RPTOR: variants seen among roughly 807,000 people sequenced by gnomAD.
RPTOR encodes regulatory associated protein of MTOR complex 1.
In RPTOR, 21 loss-of-function variants were observed where a neutral mutation model predicts 169.9. That is an observed-to-expected ratio of 0.12 (90% CI 0.09 to 0.18). The LOEUF (loss-of-function observed/expected upper bound fraction) is 0.18. Ranked by LOEUF, RPTOR falls within the 10% of genes least tolerant of loss-of-function variation. RPTOR has a pLI of 1.00. For synonymous variants in RPTOR, 732 were observed against 753.2 expected (o/e 0.97, Z 0.46); for missense variants, 1,133 against 1,855.9 (o/e 0.61, Z 7.16).
At chr17:80,661,692 C>G (rs1028315834) in intron 3 of RPTOR, among the ~76,000 whole-genome samples, 8 of 151,924 alleles carry the variant, frequency 5.3e-5, no homozygotes, top group African/African-American at 1.9e-4. Context: ...AAAGGGATCC[C>G]CCACCACCCC....
rs1034368281 is a variant in RPTOR, at chr17:80,743,384, T to C, written c.655-10626T>C. The C allele has an allele frequency of 4.1e-6, 4 of 985,366 alleles. No homozygotes were observed. In the African/African-American group the frequency reaches 7.0e-5, roughly 17 times the overall value. 61.0% of individuals were successfully genotyped at this position (985,366 alleles called of 1,614,324 possible). On this transcript the variant is annotated intron_variant, in intron 5 of 33. Coordinates refer to ENST00000306801, the MANE Select transcript of RPTOR (RefSeq NM_020761.3). ...CCGAGGGAGGCCTGAAGGAGATGTC[T>C]AACCTGAGCCGTAGAACGTAAGAAG...
At chr17:80,650,524 C>T (rs1372830073) in intron 3 of RPTOR, among the ~76,000 whole-genome samples, 1 of 152,176 alleles carries the variant, frequency 6.6e-6, no homozygotes, top group Admixed American at 6.5e-5. Flanking sequence ...GTGGGGAGAG[C>T]TTAACTGTGG....
rs1374987561 is a variant in RPTOR at position 80,936,464 on chromosome 17, C to T, written c.2920-4032C>T. Among the ~76,000 whole-genome samples the T allele has an allele frequency of 6.6e-6, 1 of 152,120 alleles. No individual in the cohort carries two copies. Among genetic ancestry groups the T allele is most frequent in the African/African-American group, 2.4e-5 (1 of 41,400 alleles). ...GAAACAACCCAAGTTTCCTTCACCT[C>T]GTAAAGAGAGAAGCTGATACAACCA... On this transcript the variant is annotated intron_variant, in intron 24 of 33. Coordinates refer to ENST00000306801, the MANE Select transcript of RPTOR (RefSeq NM_020761.3). This position sits in a 1 kb window ranked among gnomAD's most constrained non-coding sequence, Gnocchi z 4.1.
intron 20 of RPTOR, among the ~76,000 whole-genome samples, chr17:80,896,485 C>T (rs2068404977): frequency 1.5e-5 from 2 of 133,134 alleles, no homozygotes; most frequent in Non-Finnish European, 3.2e-5. Context: ...ATCCCACGGC[C>T]GCACCGACAC....
intron 3 of RPTOR, among the ~76,000 whole-genome samples, chr17:80,647,082 T>C (rs1429695337): frequency 2.0e-5 from 3 of 152,170 alleles, no homozygotes; most frequent in Admixed American, 6.5e-5. Context: ...AGAGAAACCA[T>C]GGTGATTATA....
intron 24 of RPTOR, 22 bp downstream of exon 24, chr17:80,925,502 C>A: frequency 6.4e-7 from 1 of 1,570,008 alleles, no homozygotes; most frequent in South Asian, 1.1e-5. Context: ...GTGTGGGGTT[C>A]AGAGTAGAGT....
chr17:80,690,749 T>C (rs758705265), intron 3 of RPTOR, among the ~76,000 whole-genome samples: 5 of 152,146 alleles, frequency 3.3e-5, no homozygotes, highest in Non-Finnish European at 7.4e-5. Context: ...TTGATGATCA[T>C]TGTCTGGATC....
At chr17:80,917,247 G>A (rs1298045042) in intron 21 of RPTOR, among the ~76,000 whole-genome samples, 1 of 149,458 alleles carries the variant, frequency 6.7e-6, no homozygotes, top group African/African-American at 2.5e-5. Context: ...CATGTAGCTG[G>A]GATTACAGGC....
chr17:80,854,031 A>C (rs953140024), intron 11 of RPTOR, among the ~76,000 whole-genome samples: 2 of 152,164 alleles, frequency 1.3e-5, no homozygotes, highest in Non-Finnish European at 2.9e-5. Context: ...AGTATGTGCA[A>C]AACCTCTGGC....
intron 1 of RPTOR, among the ~76,000 whole-genome samples, chr17:80,620,039 C>T (rs2065343437): frequency 6.6e-6 from 1 of 152,130 alleles, no homozygotes; most frequent in Admixed American, 6.5e-5. Flanking sequence ...AGTCATGAGT[C>T]AGAACTTCAG....
chr17:80,855,100 G>T (rs2067838051), intron 11 of RPTOR, among the ~76,000 whole-genome samples: 1 of 152,202 alleles, frequency 6.6e-6, no homozygotes, highest in African/African-American at 2.4e-5. Context: ...CTGAGAAATA[G>T]AATCACATAT....
At chr17:80,940,001 C>T (rs1277862533) in intron 24 of RPTOR, among the ~76,000 whole-genome samples, 1 of 152,106 alleles carries the variant, frequency 6.6e-6, no homozygotes, top group African/African-American at 2.4e-5. Flanking sequence ...GGGGAGGGAC[C>T]AGCGATGTGT....
chr17:80,667,166 G>T (rs2065786931), intron 3 of RPTOR, among the ~76,000 whole-genome samples: 1 of 152,150 alleles, frequency 6.6e-6, no homozygotes, highest in South Asian at 2.1e-4. Flanking sequence ...GATCTTTCCA[G>T]TACAGCTTGT....
chr17:80,758,056 C>G (rs943162989), intron 6 of RPTOR, among the ~76,000 whole-genome samples: 2 of 152,322 alleles, frequency 1.3e-5, no homozygotes, highest in South Asian at 4.1e-4. Flanking sequence ...TGTAATAAGA[C>G]CCATGCTAAT....
At chr17:80,716,350 G>C (rs2066239283) in intron 4 of RPTOR, among the ~76,000 whole-genome samples, 2 of 152,094 alleles carry the variant, frequency 1.3e-5, no homozygotes, top group Admixed American at 6.6e-5. Context: ...TCATATGTTT[G>C]TTGGCCATTT....
chr17:80,676,757 C>A (rs977403700), intron 3 of RPTOR, among the ~76,000 whole-genome samples: 1 of 152,236 alleles, frequency 6.6e-6, no homozygotes, highest in Non-Finnish European at 1.5e-5. Flanking sequence ...GCAGCAGAAC[C>A]GGGCAGGCCT....
rs1343628053 is a variant in RPTOR at position 80,860,553 on chromosome 17, C to T, written c.1509+2653C>T. 2.0e-5 allele frequency among the ~76,000 whole-genome samples: 3 copies of T among 152,126 alleles called. No individual in the cohort carries two copies. The highest frequency in any genetic ancestry group is 2.9e-5 in the Non-Finnish European group (2 of 68,032). ...CCACACCCCAAGTCCTCACGTACTA[C>T]TTTGGTGTCACAGCTGAAGTCAGGG... is the stretch of plus-strand genomic sequence containing the variant. On this transcript the variant is annotated intron_variant, in intron 13 of 33. Coordinates refer to ENST00000306801, the MANE Select transcript of RPTOR (RefSeq NM_020761.3). The surrounding 1 kb of genome is among the most constrained non-coding windows in gnomAD (Gnocchi z 5.8).
chr17:80,755,094 G>A (rs536526994), intron 6 of RPTOR, among the ~76,000 whole-genome samples: 1 of 151,718 alleles, frequency 6.6e-6, no homozygotes, highest in Non-Finnish European at 1.5e-5. Context: ...GGCAGCCTGA[G>A]GGGGGAGGAA....
intron 10 of RPTOR, among the ~76,000 whole-genome samples, chr17:80,840,019 A>G (rs945375413): frequency 6.6e-6 from 1 of 152,120 alleles, no homozygotes; most frequent in Non-Finnish European, 1.5e-5. Flanking sequence ...TTTGTTTTTA[A>G]TCTTATTGGA....
Sources: gnomAD v4.1 joint callset for allele counts (sites outside exome capture counted in the v4.1 genomes callset) on GRCh38, gnomAD v4.1.1 for gene constraint, Gnocchi (gnomAD v3.1) non-coding constraint, MANE v1.5 for transcripts, NCBI Gene and HGNC (gene_info 2026-07-23, HGNC 2026-07-21) for gene names.